GRIN2B: variants seen among roughly 807,000 people sequenced by gnomAD.
GRIN2B encodes the protein glutamate ionotropic receptor NMDA type subunit 2B, also known as glutamate receptor ionotropic, NMDA 2B.
In GRIN2B, 5 loss-of-function variants were observed where a neutral mutation model predicts 114.5. That is an observed-to-expected ratio of 0.04 (90% CI 0.02 to 0.09). The LOEUF (loss-of-function observed/expected upper bound fraction) is 0.09. Among genes scored for constraint, GRIN2B ranks in the 10% least tolerant of loss-of-function variants. The probability of loss-of-function intolerance (pLI) is 1.00; values close to 1 mark genes in which losing one functional copy is unlikely to be tolerated. For synonymous variants in GRIN2B, 787 were observed against 745.1 expected (o/e 1.06, Z -0.92); for missense variants, 1,108 against 1,943.5 (o/e 0.57, Z 8.08).
At chr12:13,781,542 T>TA (rs1363751677) in intron 3 of GRIN2B, among the ~76,000 whole-genome samples, 2 of 152,154 alleles carry the variant, frequency 1.3e-5, no homozygotes, top group African/African-American at 2.4e-5. Context: ...ATGAAATATC[T>TA]AAAAAATCAT....
chr12:13,694,866 G>A (rs1486810377), intron 4 of GRIN2B, among the ~76,000 whole-genome samples: 1 of 151,668 alleles, frequency 6.6e-6, no homozygotes, highest in Non-Finnish European at 1.5e-5. Context: ...TGGGGAAAGT[G>A]AAGAAAAGTC....
At chr12:13,575,268 T>C (rs1257818366) in intron 10 of GRIN2B, among the ~76,000 whole-genome samples, 2 of 152,152 alleles carry the variant, frequency 1.3e-5, no homozygotes, top group African/African-American at 4.8e-5. Flanking sequence ...AGCCACCGAC[T>C]GGGAAGAAGT....
At chr12:13,759,233 T>C (rs921215731) in intron 3 of GRIN2B, among the ~76,000 whole-genome samples, 3 of 151,822 alleles carry the variant, frequency 2.0e-5, no homozygotes, top group Admixed American at 1.3e-4. Flanking sequence ...ATGGTCTCCA[T>C]CTCCTGACAT....
intron 2 of GRIN2B, among the ~76,000 whole-genome samples, chr12:13,960,532 G>C (rs1867670010): frequency 6.6e-6 from 1 of 152,120 alleles, no homozygotes; most frequent in South Asian, 2.1e-4. Context: ...ACTGCGGAGA[G>C]GGTACTGGGG....
rs760488868 is a variant in GRIN2B, at chr12:13,753,432, T to C, written c.895A>G (p.Ile299Val). 2 of 1,614,098 alleles carry C rather than the reference T, an allele frequency of 1.2e-6. No individual in the cohort carries two copies. The highest frequency in any genetic ancestry group is 1.7e-6 in the Non-Finnish European group (2 of 1,179,918). ...ATGTCAGAAGCAGCAGTGGTGATTATGGCAATTCCATCTCTCACTCTGGCG... is the reference window on the plus strand; with the variant it reads ...ATGTCAGAAGCAGCAGTGGTGATTACGGCAATTCCATCTCTCACTCTGGCG... ...LPARVRDGIA[I>V]ITTAASDMLS... The change falls in exon 4 of 14, where the codon ATA becomes GTA. Residue 299 changes from isoleucine to valine, a missense_variant. By Grantham distance (29) the Ile-to-Val change is conservative. Coordinates refer to ENST00000609686, the MANE Select transcript of GRIN2B (RefSeq NM_000834.5). The surrounding 1 kb of genome is among the most constrained non-coding windows in gnomAD (Gnocchi z 6.2).
chr12:13,883,241 A>G (rs1866097072), intron 2 of GRIN2B, among the ~76,000 whole-genome samples: 1 of 152,148 alleles, frequency 6.6e-6, no homozygotes, highest in African/African-American at 2.4e-5. Context: ...TAGTGTGGAT[A>G]TATGTTTTTG....
At chr12:13,872,375 GAAC>G (rs1865925113) in intron 2 of GRIN2B, among the ~76,000 whole-genome samples, 1 of 149,552 alleles carries the variant, frequency 6.7e-6, no homozygotes, top group Non-Finnish European at 1.5e-5. Flanking sequence ...AGAATCCCTT[GAAC>G]AACGGAGTCA....
At position 13,538,863 on chromosome 12, in the gene GRIN2B, A is replaced by G. The variant is rs1476376851; in HGVS notation, c.*23920T>C. On this transcript the variant is annotated 3_prime_UTR_variant, in exon 14 of 14. Transcript: ENST00000609686. ...CAAACAAAAAAACAAAAACAACAGA[A>G]AAATCAGAGCCAAGATTTCAAGTCT... The G allele has an allele frequency of 6.6e-6, 1 of 151,904 alleles. No homozygotes were observed. Among genetic ancestry groups the G allele is most frequent in the Non-Finnish European group, 1.5e-5 (1 of 67,960 alleles). 9.4% of individuals were successfully genotyped at this position (151,904 alleles called of 1,614,324 possible).
chr12:13,634,481 C>T (rs116063949), intron 5 of GRIN2B, among the ~76,000 whole-genome samples: 167 of 152,304 alleles, frequency 1.1e-3, no homozygotes, highest in African/African-American at 3.9e-3. Flanking sequence ...CAACAGGAGT[C>T]TTCCAAAGTC....
At chr12:13,633,691 T>TA (rs1301210701) in intron 5 of GRIN2B, among the ~76,000 whole-genome samples, 1 of 152,236 alleles carries the variant, frequency 6.6e-6, no homozygotes, top group African/African-American at 2.4e-5. Context: ...TACCTGGTCT[T>TA]AACTTATATC....
At chr12:13,757,421 A>T (rs1034232832) in intron 3 of GRIN2B, among the ~76,000 whole-genome samples, 1 of 152,140 alleles carries the variant, frequency 6.6e-6, no homozygotes, top group South Asian at 2.1e-4. Flanking sequence ...GTGTGCATCG[A>T]GTAGAAAGGA....
chr12:13,848,810 G>A (rs774881674), intron 3 of GRIN2B, among the ~76,000 whole-genome samples: 9 of 152,166 alleles, frequency 5.9e-5, no homozygotes, highest in Non-Finnish European at 1.3e-4. Context: ...GAGAGAAAGT[G>A]CTCTTCTCCT....
chr12:13,928,940 A>G (rs1014575040), intron 2 of GRIN2B, among the ~76,000 whole-genome samples: 2 of 151,950 alleles, frequency 1.3e-5, no homozygotes, highest in African/African-American at 2.4e-5. Context: ...GATGCCAGGC[A>G]TTGTGCTAAA....
intron 4 of GRIN2B, chr12:13,684,016 G>GTT (rs1268822028): frequency 2.6e-5 from 4 of 152,026 alleles, no homozygotes; most frequent in African/African-American, 4.8e-5. Flanking sequence ...CTGGATCTCT[G>GTT]TTTTTCCATA....
intron 2 of GRIN2B, among the ~76,000 whole-genome samples, chr12:13,965,319 T>C (rs958358803): frequency 4.6e-5 from 7 of 152,188 alleles, no homozygotes; most frequent in Admixed American, 1.3e-4. Flanking sequence ...CTAGCCATCA[T>C]CTCTTTTTTC....
rs75989878 is a variant in GRIN2B, at chr12:13,967,687, G to A, written c.-19+12241C>T. Among the ~76,000 whole-genome samples, 583 of 152,336 alleles carry A rather than the reference G, an allele frequency of 3.8e-3. 4 individuals are homozygous for A. The highest frequency in any genetic ancestry group is 0.013 in the African/African-American group (552 of 41,566). On this transcript the variant is annotated intron_variant, in intron 2 of 13. Transcript: ENST00000609686. ...CCCCTTGAGAAATTCACATCGGGAG[G>A]TGGGATGGATAGAGACACGATAGCA... is the stretch of plus-strand genomic sequence containing the variant.
chr12:13,815,258 G>C (rs1180622800), intron 3 of GRIN2B, among the ~76,000 whole-genome samples: 1 of 152,012 alleles, frequency 6.6e-6, no homozygotes, highest in East Asian at 1.9e-4. Context: ...CAATACTCAG[G>C]GTACTTTTCC....
chr12:13,880,896 G>A (rs114689349), intron 2 of GRIN2B, among the ~76,000 whole-genome samples: 1 of 152,090 alleles, frequency 6.6e-6, no homozygotes, highest in African/African-American at 2.4e-5. Flanking sequence ...CTGTGCAAAG[G>A]TTGTTCCACA....
intron 2 of GRIN2B, among the ~76,000 whole-genome samples, chr12:13,974,192 C>T (rs752350689): frequency 1.3e-5 from 2 of 152,196 alleles, no homozygotes; most frequent in Middle Eastern, 3.2e-3. Context: ...GGCTAGGATC[C>T]AGGTTTCCCT....
Sources: allele counts gnomAD v4.1 joint callset (sites outside exome capture counted in the v4.1 genomes callset), GRCh38; gene constraint gnomAD v4.1.1; non-coding constraint Gnocchi (gnomAD v3.1); transcripts MANE v1.5; gene names NCBI Gene and HGNC (gene_info 2026-07-23, HGNC 2026-07-21).